C5: variants seen among roughly 807,000 people sequenced by gnomAD.
C5 encodes the protein C3 and PZP-like alpha-2-macroglobulin domain-containing protein 4.
In C5, 140 loss-of-function variants were observed where a neutral mutation model predicts 218.8. The observed-to-expected ratio is 0.64, with a 90% CI of 0.56 to 0.74. The LOEUF is 0.74. C5 is among the 30% of genes least tolerant of loss of function. The pLI, the probability that C5 is intolerant of heterozygous loss-of-function variation, is 0.00. For synonymous variants in C5, 614 were observed against 682.3 expected, an observed-to-expected ratio of 0.90 and a Z score of 1.56; for missense variants, 1,700 against 1,969.6, an observed-to-expected ratio of 0.86 and a Z score of 2.59.
chr9:121,035,718 T>G (rs2047518658), intron 4 of C5, among the ~76,000 whole-genome samples: 1 of 150,714 alleles, frequency 6.6e-6, no homozygotes, highest in Non-Finnish European at 1.5e-5. Context: ...CACAGGCACA[T>G]GCCACCATGC....
rs1169584623 is a variant in C5 at position 120,991,252 on chromosome 9, T to C, written c.2880A>G (p.Pro960=). Reference sequence around the variant, plus strand: ...GGACCAAATCTAAGGGTATCCTGTATGGGAACTCCTTTCGTCTGCTAATGG... The same window carrying C: ...GGACCAAATCTAAGGGTATCCTGTACGGGAACTCCTTTCGTCTGCTAATGG... ...YGTISRRKEF[P]YRIPLDLVPK... is the part of the protein sequence containing the mutation. Residue 960 remains proline (P), a synonymous_variant, in exon 23 of 41, where the codon CCA becomes CCG. Coordinates refer to ENST00000223642, the MANE Select transcript of C5 (RefSeq NM_001735.3). 6.2e-7 allele frequency: 1 copy of C among 1,610,974 alleles called. No individual in the cohort carries two copies. Among genetic ancestry groups the C allele is most frequent in the Admixed American group, 1.7e-5 (1 of 60,022 alleles).
At chr9:121,007,080 A>G (rs781156605) in intron 18 of C5, 103 bp from the exon 19 acceptor site, 96 of 812,016 alleles carry the variant, frequency 1.2e-4, no homozygotes, top group Admixed American at 1.9e-5. Context: ...TACTTTAGAG[A>G]AAGAAAAAAA....
intron 4 of C5, among the ~76,000 whole-genome samples, chr9:121,035,320 T>A (rs2047514975): frequency 1.3e-5 from 2 of 152,250 alleles, no homozygotes; most frequent in Non-Finnish European, 2.9e-5. Context: ...GCAAATATTC[T>A]ATGAATTATA....
the C5 span, among the ~76,000 whole-genome samples, chr9:121,061,742 T>C: frequency 6.6e-6 from 1 of 152,386 alleles, no homozygotes; most frequent in East Asian, 1.9e-4. Context: ...CATGTGCAAT[T>C]GCCAAAATTA....
chr9:120,977,039 A>G (rs2046958842), intron 28 of C5, 134 bp from the exon 29 acceptor site: 7 of 744,534 alleles, frequency 9.4e-6, no homozygotes, highest in Admixed American at 2.1e-5. Context: ...CTTCCTGAAG[A>G]TGACCAATGC....
chr9:121,041,435 G>GA (rs1373042159), intron 3 of C5, among the ~76,000 whole-genome samples: 1 of 149,994 alleles, frequency 6.7e-6, no homozygotes, highest in African/African-American at 2.5e-5. Flanking sequence ...CTCCAGAGTA[G>GA]CTGGGATTAC....
chr9:121,064,268 A>G, the C5 span, among the ~76,000 whole-genome samples: 2 of 152,050 alleles, frequency 1.3e-5, no homozygotes, highest in East Asian at 3.9e-4. Context: ...TTTCATTTGT[A>G]GAATAGGAGA....
At chr9:121,032,927 C>A (rs12347316) in intron 5 of C5, among the ~76,000 whole-genome samples, 2 of 151,902 alleles carry the variant, frequency 1.3e-5, no homozygotes, top group Admixed American at 6.5e-5. Flanking sequence ...CTTGAGCCCG[C>A]GAGATCAAGG....
intron 23 of C5, among the ~76,000 whole-genome samples, chr9:120,990,473 G>T (rs2047068926): frequency 6.6e-6 from 1 of 152,222 alleles, no homozygotes; most frequent in Non-Finnish European, 1.5e-5. Flanking sequence ...CAAGGTGATA[G>T]TATTAGAAGG....
At chr9:121,065,407 C>A in the C5 span, among the ~76,000 whole-genome samples, 9 of 152,308 alleles carry the variant, frequency 5.9e-5, no homozygotes, top group Admixed American at 2.6e-4. Flanking sequence ...AGTTAGGTGG[C>A]AGGGCCAAGG....
chr9:121,060,576 GA>G, the C5 span, among the ~76,000 whole-genome samples: 3 of 151,338 alleles, frequency 2.0e-5, no homozygotes, highest in East Asian at 1.9e-4. Context: ...TTTTTTACAA[GA>G]AAAAAAACCA....
intron 20 of C5, among the ~76,000 whole-genome samples, chr9:121,005,483 T>C (rs1038495543): frequency 4.6e-5 from 7 of 152,302 alleles, no homozygotes; most frequent in Admixed American, 1.3e-4. Context: ...AGGTTGTCAC[T>C]GGATGGTGAG....
chr9:121,037,847 A>G (rs1325682811), intron 4 of C5, 34 bp downstream of exon 4: 2 of 926,082 alleles, frequency 2.2e-6, no homozygotes, highest in South Asian at 3.2e-5. Context: ...TGAAAAATGA[A>G]TTAAAGTATT....
intron 1 of C5, among the ~76,000 whole-genome samples, chr9:121,048,920 A>G (rs1329090279): frequency 6.6e-6 from 1 of 152,166 alleles, no homozygotes; most frequent in African/African-American, 2.4e-5. Context: ...ATAGTGCCCC[A>G]TAATTATTTT....
At chr9:121,007,786 G>A (rs527783879) in intron 18 of C5, among the ~76,000 whole-genome samples, 1 of 152,324 alleles carries the variant, frequency 6.6e-6, no homozygotes, top group African/African-American at 2.4e-5. Flanking sequence ...AGGTTTACTA[G>A]AGGACATGCT....
intron 11 of C5, among the ~76,000 whole-genome samples, chr9:121,020,597 A>C (rs1267283529): frequency 1.3e-5 from 2 of 152,204 alleles, no homozygotes; most frequent in Non-Finnish European, 2.9e-5. Flanking sequence ...CTATGAACGA[A>C]CATCTCAGAG....
intron 3 of C5, among the ~76,000 whole-genome samples, chr9:121,040,483 T>C (rs919420480): frequency 6.6e-6 from 1 of 152,190 alleles, no homozygotes; most frequent in Non-Finnish European, 1.5e-5. Flanking sequence ...CTCAAGAATC[T>C]TCAGATTAAA....
intron 33 of C5, 25 bp from the exon 34 acceptor site, chr9:120,963,763 A>T (rs1047368679): frequency 2.6e-6 from 4 of 1,524,652 alleles, no homozygotes; most frequent in Non-Finnish European, 3.6e-6. Context: ...AGGTTAGAAA[A>T]TATAATAAAT....
At chr9:121,071,872 C>T in the C5 span, among the ~76,000 whole-genome samples, 1 of 137,870 alleles carries the variant, frequency 7.3e-6, no homozygotes, top group South Asian at 2.4e-4. Context: ...GGAAAAAAGA[C>T]TGAGTAAAAG....
Sources: allele counts gnomAD v4.1 joint callset (sites outside exome capture counted in the v4.1 genomes callset), GRCh38; gene constraint gnomAD v4.1.1; transcripts MANE v1.5; gene names NCBI Gene and HGNC (gene_info 2026-07-23, HGNC 2026-07-21).